PTPRD: variants seen among roughly 807,000 people sequenced by gnomAD.
The protein encoded by PTPRD is protein tyrosine phosphatase receptor type D, also known as receptor-type tyrosine-protein phosphatase delta.
Under a neutral mutation model 214.5 loss-of-function variants are expected in PTPRD, and 34 were observed. The ratio of observed to expected loss-of-function variants is 0.16; its 90% CI spans 0.12 to 0.21. PTPRD has a LOEUF of 0.21. Among genes scored for constraint, PTPRD ranks in the 10% least tolerant of loss-of-function variants. PTPRD has a pLI of 1.00. For missense variants in PTPRD, 2,545 were observed against 2,398.7 expected (o/e 1.06, Z -1.27); for synonymous variants, 1,128 against 845.7 (o/e 1.33, Z -5.79).
Position 9,019,338 on chromosome 9 carries a change from AC to A in PTPRD, c.-142-604del, listed in dbSNP as rs2099553176. Among the ~76,000 whole-genome samples, 5 of 21,148 alleles carry A rather than the reference AC, an allele frequency of 2.4e-4. No homozygotes were observed. In the South Asian group the frequency reaches 0.011, roughly 47 times the overall value. The allele number at this position is 21,148 out of a possible 152,430, so 13.9% of individuals were successfully genotyped here. A position where few individuals can be genotyped will look rare whatever the true frequency, so the allele number is the denominator to read the frequency against. ...AAAGAAAGAAAGAAAGAAAGAAAGA[AC>A]GAAAGAAAGAAAGAAAGAAAGAATC... is the stretch of plus-strand genomic sequence containing the variant. On this transcript the variant is annotated intron_variant, in intron 10 of 45. Transcript: ENST00000381196.
At chr9:10,561,524 C>CA (rs537517434) in intron 2 of PTPRD, among the ~76,000 whole-genome samples, 40 of 151,828 alleles carry the variant, frequency 2.6e-4, no homozygotes, top group Non-Finnish European at 4.7e-4. Context: ...ATCAGTCTTT[C>CA]AAAAAAAATT....
In PTPRD at chr9:8,314,394, C is replaced by T. The variant is rs145783673; in HGVS notation, c.*3480G>A. 1,052 of 229,790 alleles carry T rather than the reference C, an allele frequency of 4.6e-3. 4 individuals carry two copies. The highest frequency in any genetic ancestry group is 6.8e-3 in the Non-Finnish European group (791 of 115,570). 14.2% of individuals were successfully genotyped at this position (229,790 alleles called of 1,614,324 possible). A position where few individuals can be genotyped will look rare whatever the true frequency, so the allele number is the denominator to read the frequency against. ...CGCCTTTCATTCTGTAAAACATTTA[C>T]GCGTACTACTAATTAGAGGTAATTG... is the stretch of plus-strand genomic sequence containing the variant. On this transcript the variant is annotated 3_prime_UTR_variant, in exon 46 of 46. Transcript: ENST00000381196.
intron 11 of PTPRD, among the ~76,000 whole-genome samples, chr9:8,772,697 T>C (rs2095286188): frequency 6.6e-6 from 1 of 152,208 alleles, no homozygotes; most frequent in Admixed American, 6.5e-5. Flanking sequence ...TCTTGTCTGC[T>C]AACTCTAACA....
chr9:10,103,377 TTATA>T (rs1185795827), intron 3 of PTPRD, among the ~76,000 whole-genome samples: 4 of 72,422 alleles, frequency 5.5e-5, no homozygotes, highest in Non-Finnish European at 7.6e-5. Context: ...AAACTGCATA[TTATA>T]TATATATATA....
chr9:10,576,902 C>A (rs745402527), intron 2 of PTPRD, among the ~76,000 whole-genome samples: 2 of 152,012 alleles, frequency 1.3e-5, no homozygotes, highest in Non-Finnish European at 2.9e-5. Context: ...CCAACACTCA[C>A]CCTTATATTT....
chr9:9,348,438 G>A (rs547872376), intron 9 of PTPRD, among the ~76,000 whole-genome samples: 15 of 152,196 alleles, frequency 9.9e-5, no homozygotes, highest in East Asian at 3.9e-4. Flanking sequence ...TTCCTTTGAC[G>A]TTATCTCTTA....
chr9:9,954,415 A>T (rs989954472), intron 4 of PTPRD, among the ~76,000 whole-genome samples: 1 of 150,120 alleles, frequency 6.7e-6, no homozygotes, highest in Non-Finnish European at 1.5e-5. Context: ...AAGTATACTT[A>T]TTCTAAAAAG....
At chr9:10,079,371 A>T (rs955495669) in intron 3 of PTPRD, among the ~76,000 whole-genome samples, 1 of 152,090 alleles carries the variant, frequency 6.6e-6, no homozygotes, top group Non-Finnish European at 1.5e-5. Flanking sequence ...CGCTTTTTAA[A>T]CTAAAATATG....
intron 3 of PTPRD, among the ~76,000 whole-genome samples, chr9:10,168,723 A>G (rs866146898): frequency 7.2e-5 from 11 of 152,244 alleles, no homozygotes; most frequent in South Asian, 4.1e-4. Context: ...GACTAACTAC[A>G]TAAGTTTAAA....
At chr9:9,847,913 C>T (rs1262910950) in intron 5 of PTPRD, among the ~76,000 whole-genome samples, 2 of 152,082 alleles carry the variant, frequency 1.3e-5, no homozygotes, top group Non-Finnish European at 2.9e-5. Context: ...AAGGCAGATC[C>T]ACGTGATGAA....
chr9:8,993,737 G>A (rs891068535), intron 11 of PTPRD, among the ~76,000 whole-genome samples: 4 of 152,036 alleles, frequency 2.6e-5, no homozygotes, highest in Non-Finnish European at 4.4e-5. Context: ...TGCAAGTCCT[G>A]ATGAAGGAAG....
chr9:9,188,838 GTGTGT>G (rs1301343186), intron 9 of PTPRD, among the ~76,000 whole-genome samples: 2 of 137,048 alleles, frequency 1.5e-5, no homozygotes, highest in Non-Finnish European at 3.2e-5. Flanking sequence ...GTGTGTGTGT[GTGTGT>G]TGTGTGCATG....
intron 8 of PTPRD, among the ~76,000 whole-genome samples, chr9:9,491,699 A>C (rs977414883): frequency 6.6e-6 from 1 of 152,076 alleles, no homozygotes; most frequent in African/African-American, 2.4e-5. Flanking sequence ...CCAAAGGAGA[A>C]ATCAGAGAGA....
At chr9:10,579,700 A>G (rs1050671910) in intron 2 of PTPRD, among the ~76,000 whole-genome samples, 1 of 152,196 alleles carries the variant, frequency 6.6e-6, no homozygotes, top group Non-Finnish European at 1.5e-5. Context: ...GCTTTCCACA[A>G]TGGCTAAACT....
At chr9:8,755,529 C>T (rs1049613319) in intron 11 of PTPRD, among the ~76,000 whole-genome samples, 2 of 88,536 alleles carry the variant, frequency 2.3e-5, no homozygotes, top group African/African-American at 6.3e-5. Context: ...AACTCTGTCT[C>T]AAAAAAAAAA....
At chr9:9,788,634 A>G (rs1333174912) in intron 5 of PTPRD, among the ~76,000 whole-genome samples, 2 of 152,022 alleles carry the variant, frequency 1.3e-5, no homozygotes, top group Admixed American at 6.6e-5. Flanking sequence ...TAAATCCCGT[A>G]GACACAGTAT....
chr9:8,335,097 G>A (rs1279935755), intron 43 of PTPRD, among the ~76,000 whole-genome samples: 1 of 147,040 alleles, frequency 6.8e-6, no homozygotes, highest in Non-Finnish European at 1.5e-5. Flanking sequence ...CATTCCTTCT[G>A]AAACTATTCC....
intron 11 of PTPRD, among the ~76,000 whole-genome samples, chr9:8,991,920 AAAGTTATTTTT>A (rs1257128576): frequency 6.6e-6 from 1 of 151,778 alleles, no homozygotes; most frequent in Non-Finnish European, 1.5e-5. Context: ...ACTAAATTTT[AAAGTTATTTTT>A]ATAAGAGACA....
intron 6 of PTPRD, among the ~76,000 whole-genome samples, chr9:9,752,057 G>C (rs1438942235): frequency 6.6e-6 from 1 of 151,994 alleles, no homozygotes; most frequent in Non-Finnish European, 1.5e-5. Context: ...TATTCCAGTG[G>C]TAAGTCAGGA....
Sources: allele counts gnomAD v4.1 joint callset (sites outside exome capture counted in the v4.1 genomes callset), GRCh38; gene constraint gnomAD v4.1.1; transcripts MANE v1.5; gene names NCBI Gene and HGNC (gene_info 2026-07-23, HGNC 2026-07-21).